The following JMJD1C variants were observed in gnomAD, a reference collection of about 807,000 sequenced individuals.
The protein encoded by JMJD1C is jumonji domain-containing protein 1C.
A neutral mutation model predicts 245.3 loss-of-function variants in JMJD1C; 31 were observed. The observed-to-expected ratio is 0.13, with a 90% CI of 0.09 to 0.17. JMJD1C has a LOEUF of 0.17. Ranked by LOEUF, JMJD1C falls within the 10% of genes least tolerant of loss-of-function variation. JMJD1C has a pLI of 1.00. For synonymous variants in JMJD1C, 1,057 were observed against 1,017.4 expected (o/e 1.04, Z -0.74); for missense variants, 2,691 against 3,000.2 (o/e 0.90, Z 2.41).
At chr10:63,482,411 G>A (rs1385639213) in intron 1 of JMJD1C, among the ~76,000 whole-genome samples, 4 of 152,126 alleles carry the variant, frequency 2.6e-5, no homozygotes, top group Non-Finnish European at 5.9e-5. Context: ...TGAGGCAGGC[G>A]GATCACCTGA....
chr10:63,296,247 TG>T (rs1284885129), intron 2 of JMJD1C, among the ~76,000 whole-genome samples: 3 of 151,786 alleles, frequency 2.0e-5, no homozygotes, highest in African/African-American at 7.3e-5. Flanking sequence ...TGACCTCAGG[TG>T]ATCCACCCGT....
At chr10:63,210,574 G>C (rs1156591557) in intron 8 of JMJD1C, among the ~76,000 whole-genome samples, 1 of 152,080 alleles carries the variant, frequency 6.6e-6, no homozygotes, top group Non-Finnish European at 1.5e-5. Flanking sequence ...ACTTAAATCT[G>C]TTTTCAAGAG....
Position 63,465,761 on chromosome 10 carries a change from A to C in JMJD1C, c.-99T>G. ...CTCATGCTGAGGAGAGCGGACCGGGACACAGCAGCGGACCCGAAAGAGCGC... is the reference window on the plus strand; with the variant it reads ...CTCATGCTGAGGAGAGCGGACCGGGCCACAGCAGCGGACCCGAAAGAGCGC... On this transcript the variant is annotated 5_prime_UTR_variant, in exon 1 of 26. Transcript: ENST00000399262. 7.1e-7 allele frequency: 1 copy of C among 1,405,962 alleles called. No homozygotes were observed. The allele number at this position is 1,405,962 out of a possible 1,614,324, so 87.1% of individuals were successfully genotyped here. A position where few individuals can be genotyped will look rare whatever the true frequency, so the allele number is the denominator to read the frequency against.
intron 1 of JMJD1C, among the ~76,000 whole-genome samples, chr10:63,428,509 T>C (rs548935642): frequency 2.0e-5 from 3 of 152,342 alleles, no homozygotes; most frequent in East Asian, 1.9e-4. Flanking sequence ...AATTCCTTTC[T>C]TGATGTAGTA....
chr10:63,417,016 C>T (rs1025406803), intron 1 of JMJD1C, among the ~76,000 whole-genome samples: 2 of 152,176 alleles, frequency 1.3e-5, no homozygotes, highest in African/African-American at 4.8e-5. Flanking sequence ...AACTAATTCA[C>T]ATTACTAGGT....
chr10:63,281,246 C>T (rs1307274980), intron 2 of JMJD1C, among the ~76,000 whole-genome samples: 4 of 150,968 alleles, frequency 2.6e-5, no homozygotes, highest in African/African-American at 4.9e-5. Context: ...GCAATTCTCC[C>T]GCCTCAGCCT....
chr10:63,169,748 T>C (rs997643873), intron 24 of JMJD1C, among the ~76,000 whole-genome samples: 3 of 152,194 alleles, frequency 2.0e-5, no homozygotes, highest in Non-Finnish European at 2.9e-5. Context: ...AGGATGAACA[T>C]AGTGGATGCC....
intron 1 of JMJD1C, among the ~76,000 whole-genome samples, chr10:63,390,916 CCCTTT>C (rs1257701439): frequency 6.6e-6 from 1 of 152,162 alleles, no homozygotes; most frequent in Non-Finnish European, 1.5e-5. Context: ...TGACAACCTT[CCCTTT>C]AAGAACTGGA....
intron 1 of JMJD1C, among the ~76,000 whole-genome samples, chr10:63,462,857 T>C (rs1407743148): frequency 1.3e-5 from 2 of 152,204 alleles, no homozygotes; most frequent in African/African-American, 4.8e-5. Context: ...GTATAACATT[T>C]AAACCACCAA....
chr10:63,240,987 A>G (rs1851407401), intron 3 of JMJD1C, among the ~76,000 whole-genome samples: 1 of 152,214 alleles, frequency 6.6e-6, no homozygotes, highest in South Asian at 2.1e-4. Flanking sequence ...TACATAATGT[A>G]AGACAAAGCA....
At chr10:63,466,139 A>AGTCGGCGGC (rs1554947673), upstream of JMJD1C, 1 of 176,280 alleles carries the variant, frequency 5.7e-6, no homozygotes, top group Non-Finnish European at 1.2e-5. Flanking sequence ...CCAGATCCAG[A>AGTCGGCGGC]GGCGGCGGCG....
At chr10:63,412,413 T>C (rs1375133939) in intron 1 of JMJD1C, among the ~76,000 whole-genome samples, 2 of 152,176 alleles carry the variant, frequency 1.3e-5, no homozygotes, top group Non-Finnish European at 2.9e-5. Context: ...ACATTAAAAA[T>C]TATGCAAGGA....
chr10:63,502,347 A>G (rs1239189522), intron 1 of JMJD1C, among the ~76,000 whole-genome samples: 1 of 152,054 alleles, frequency 6.6e-6, no homozygotes, highest in Non-Finnish European at 1.5e-5. Context: ...AGCTTTAAAA[A>G]CCTGCCGGCG....
At chr10:63,455,165 G>C (rs1952329885) in intron 1 of JMJD1C, among the ~76,000 whole-genome samples, 1 of 152,306 alleles carries the variant, frequency 6.6e-6, no homozygotes, top group African/African-American at 2.4e-5. Flanking sequence ...GATCGGGGCA[G>C]GTGTGGGAGT....
At chr10:63,513,295 A>G (rs1466360041) in intron 1 of JMJD1C, among the ~76,000 whole-genome samples, 1 of 152,166 alleles carries the variant, frequency 6.6e-6, no homozygotes, top group Non-Finnish European at 1.5e-5. Flanking sequence ...TTTACCATAT[A>G]CAAAAATTAA....
intron 2 of JMJD1C, among the ~76,000 whole-genome samples, chr10:63,280,432 C>G (rs1434714218): frequency 1.3e-5 from 2 of 152,042 alleles, no homozygotes; most frequent in Non-Finnish European, 2.9e-5. Flanking sequence ...CACCTGTAGT[C>G]CCAGTTACTC....
At chr10:63,305,629 C>CGTGCGTGTGTGT (rs1554880824) in intron 2 of JMJD1C, among the ~76,000 whole-genome samples, 2 of 121,682 alleles carry the variant, frequency 1.6e-5, no homozygotes, top group Admixed American at 8.9e-5. Context: ...ACCATGCTGG[C>CGTGCGTGTGTGT]GTGTGTGTGT....
chr10:63,407,279 A>T (rs1307522886), intron 1 of JMJD1C, among the ~76,000 whole-genome samples: 1 of 152,202 alleles, frequency 6.6e-6, no homozygotes, highest in Non-Finnish European at 1.5e-5. Context: ...AAGCATATTA[A>T]AACAGGTTGA....
chr10:63,200,925 A>C (rs1414996788), intron 10 of JMJD1C, among the ~76,000 whole-genome samples: 6 of 152,234 alleles, frequency 3.9e-5, no homozygotes, highest in African/African-American at 1.4e-4. Flanking sequence ...ATGCAGAACT[A>C]AATTTTCCAG....
Sources: allele counts gnomAD v4.1 joint callset (sites outside exome capture counted in the v4.1 genomes callset), GRCh38; gene constraint gnomAD v4.1.1; transcripts MANE v1.5; gene names NCBI Gene and HGNC (gene_info 2026-07-23, HGNC 2026-07-21).